Variants in KCNIP3 observed in about 807,000 individuals in gnomAD.
KCNIP3 encodes calsenilin.
KCNIP3 carries 28 observed loss-of-function variants against 35.0 expected under a neutral mutation model. That is an observed-to-expected ratio of 0.80 (90% confidence interval 0.59 to 1.10). KCNIP3 has a LOEUF of 1.10. KCNIP3 is among the 50% of genes least tolerant of loss of function. The pLI, the probability that KCNIP3 is intolerant of heterozygous loss-of-function variation, is 0.00. For missense variants in KCNIP3, 295 were observed against 338.4 expected (o/e 0.87, Z 1.01); for synonymous variants, 134 against 133.8 (o/e 1.00, Z -0.01).
intron 2 of KCNIP3, among the ~76,000 whole-genome samples, chr2:95,343,832 T>G (rs1679276848): frequency 6.6e-6 from 1 of 152,160 alleles, no homozygotes. Flanking sequence ...AGCTTCAATA[T>G]TCCAGCCATG....
At chr2:95,309,005 A>G (rs542464837) in intron 1 of KCNIP3, among the ~76,000 whole-genome samples, 91 of 152,218 alleles carry the variant, frequency 6.0e-4, no homozygotes, top group African/African-American at 2.0e-3. Flanking sequence ...GGCCCTCTTT[A>G]CTGGCCAAGG....
intron 2 of KCNIP3, among the ~76,000 whole-genome samples, chr2:95,370,927 A>C (rs1335425024): frequency 6.6e-6 from 1 of 150,966 alleles, no homozygotes; most frequent in Non-Finnish European, 1.5e-5. Flanking sequence ...CACCTGGCTA[A>C]CTTTTTTTTT....
intron 1 of KCNIP3, among the ~76,000 whole-genome samples, chr2:95,299,915 C>T (rs1484598651): frequency 6.6e-6 from 1 of 152,240 alleles, no homozygotes; most frequent in African/African-American, 2.4e-5. Context: ...CCCGCATTAT[C>T]TCCCTGGACC....
chr2:95,307,447 C>T (rs1377168869), intron 1 of KCNIP3, among the ~76,000 whole-genome samples: 3 of 152,224 alleles, frequency 2.0e-5, no homozygotes, highest in East Asian at 3.8e-4. Context: ...CCTGGCATGT[C>T]CCAAAACTTC....
intron 2 of KCNIP3, among the ~76,000 whole-genome samples, chr2:95,355,761 T>C (rs1360175051): frequency 6.6e-6 from 1 of 152,172 alleles, no homozygotes. Context: ...GACATTTGGG[T>C]TGGTTCCGAG....
intron 2 of KCNIP3, among the ~76,000 whole-genome samples, chr2:95,371,257 A>C (rs1291430900): frequency 6.6e-6 from 1 of 152,240 alleles, no homozygotes; most frequent in South Asian, 2.1e-4. Context: ...CTTTACCTGC[A>C]TCCAGCAAAT....
rs1680365838 is a variant in KCNIP3, at chr2:95,382,245, C to T, written c.556-132C>T. 2.0e-6 allele frequency: 1 copy of T among 508,140 alleles called. No individual in the cohort carries two copies. The allele number at this position is 508,140 out of a possible 1,614,324, so 31.5% of individuals were successfully genotyped here. ...GTGCCCTGGAAGCGGACAGGCTTCT[C>T]TCTCCAGCTCGTCCGGCCCCTCGCA... On this transcript the variant is annotated intron_variant, in intron 6 of 8. Coordinates refer to ENST00000295225, the MANE Select transcript of KCNIP3 (RefSeq NM_013434.5). This position sits in a 1 kb window ranked among gnomAD's most constrained non-coding sequence, Gnocchi z 4.5.
chr2:95,333,335 G>A (rs1678979036), intron 2 of KCNIP3, among the ~76,000 whole-genome samples: 2 of 152,212 alleles, frequency 1.3e-5, no homozygotes, highest in African/African-American at 2.4e-5. Flanking sequence ...TTTGTCAAAT[G>A]AGTAAATGCA....
chr2:95,364,148 T>TA (rs1679863482), intron 2 of KCNIP3, among the ~76,000 whole-genome samples: 1 of 152,236 alleles, frequency 6.6e-6, no homozygotes, highest in Admixed American at 6.5e-5. Flanking sequence ...TTTTTGTAAA[T>TA]ATGTGATTTG....
chr2:95,318,156 C>A (rs1259834370), intron 2 of KCNIP3, among the ~76,000 whole-genome samples: 3 of 152,118 alleles, frequency 2.0e-5, no homozygotes, highest in Non-Finnish European at 4.4e-5. Context: ...ACAGTGAATG[C>A]CAAGCCTGGG....
chr2:95,338,826 T>C (rs1679124264), intron 2 of KCNIP3, among the ~76,000 whole-genome samples: 1 of 152,190 alleles, frequency 6.6e-6, no homozygotes, highest in Non-Finnish European at 1.5e-5. Flanking sequence ...TCAAGACATA[T>C]TGGTGTAAAG....
At chr2:95,307,309 G>T (rs1444874846) in intron 1 of KCNIP3, among the ~76,000 whole-genome samples, 1 of 152,160 alleles carries the variant, frequency 6.6e-6, no homozygotes, top group Non-Finnish European at 1.5e-5. Context: ...TGTGCCTGAG[G>T]GGCTTCGGAA....
chr2:95,385,862 A>G lies in KCNIP3; in HGVS notation c.*1813A>G, dbSNP rs1206907689. On this transcript the variant is annotated 3_prime_UTR_variant, in exon 9 of 9. Transcript: ENST00000295225. ...TCTAAGGCCAAGGCCTCAGGAGAGCATCACCACCACACCCCTGCCGGCCTT... is the reference window on the plus strand; with the variant it reads ...TCTAAGGCCAAGGCCTCAGGAGAGCGTCACCACCACACCCCTGCCGGCCTT... The G allele has an allele frequency of 1.3e-5, 2 of 152,566 alleles. No individual in the cohort carries two copies. Among genetic ancestry groups the G allele is most frequent in the Non-Finnish European group, 2.9e-5 (2 of 68,090 alleles). 9.5% of individuals were successfully genotyped at this position (152,566 alleles called of 1,614,324 possible).
rs543758163 is a variant in KCNIP3 at position 95,377,384 on chromosome 2, C to T, written c.447+2176C>T. On this transcript the variant is annotated intron_variant, in intron 5 of 8. Transcript: ENST00000295225. This position sits in a 1 kb window ranked among gnomAD's most constrained non-coding sequence, Gnocchi z 4.7. ...GCCAGTGGCCAAGCGGCATCCAGGG[C>T]CGTGTGAGGGCAGCCTGCAAGCCCA... Among the ~76,000 whole-genome samples, 3 of 152,364 alleles carry T rather than the reference C, an allele frequency of 2.0e-5. No individual in the cohort carries two copies. The highest frequency in any genetic ancestry group is 2.1e-4 in the South Asian group (1 of 4,830).
intron 1 of KCNIP3, among the ~76,000 whole-genome samples, chr2:95,297,679 G>T (rs1372744721): frequency 6.6e-6 from 1 of 152,042 alleles, no homozygotes; most frequent in Non-Finnish European, 1.5e-5. Context: ...GGCTGGTGTT[G>T]GGGTGTCCTG....
At chr2:95,323,627 G>A (rs987734247) in intron 2 of KCNIP3, among the ~76,000 whole-genome samples, 7 of 152,130 alleles carry the variant, frequency 4.6e-5, no homozygotes, top group Non-Finnish European at 7.4e-5. Flanking sequence ...TGGCTCCACC[G>A]CGTTTTCTGT....
intron 2 of KCNIP3, among the ~76,000 whole-genome samples, chr2:95,324,418 G>A (rs916247562): frequency 3.3e-5 from 5 of 152,016 alleles, no homozygotes; most frequent in Non-Finnish European, 7.4e-5. Flanking sequence ...AGAGGCTGAG[G>A]CAGGAGAATG....
At chr2:95,316,399 A>G (rs957222418) in intron 2 of KCNIP3, among the ~76,000 whole-genome samples, 2 of 152,220 alleles carry the variant, frequency 1.3e-5, no homozygotes, top group African/African-American at 2.4e-5. Flanking sequence ...CTGAACTTGC[A>G]TATAACAGAA....
chr2:95,341,069 C>T (rs1414166180), intron 2 of KCNIP3, among the ~76,000 whole-genome samples: 1 of 152,190 alleles, frequency 6.6e-6, no homozygotes, highest in African/African-American at 2.4e-5. Context: ...TCTGTGTCTC[C>T]ACCCAAATCT....
Sources: gnomAD v4.1 joint callset for allele counts (sites outside exome capture counted in the v4.1 genomes callset) on GRCh38, gnomAD v4.1.1 for gene constraint, Gnocchi (gnomAD v3.1) non-coding constraint, MANE v1.5 for transcripts, NCBI Gene and HGNC (gene_info 2026-07-23, HGNC 2026-07-21) for gene names.